Variants in IKZF1 observed in about 807,000 individuals in gnomAD.
IKZF1 encodes the protein DNA-binding protein Ikaros.
IKZF1 carries 10 observed loss-of-function variants against 51.7 expected under a neutral mutation model. That is an observed-to-expected ratio of 0.19 (90% CI 0.12 to 0.33). The LOEUF is 0.33. Ranked by LOEUF, IKZF1 falls within the 10% of genes least tolerant of loss-of-function variation. The probability of loss-of-function intolerance (pLI) is 1.00; values close to 1 mark genes in which losing one functional copy is unlikely to be tolerated. For synonymous variants in IKZF1, 280 were observed against 282.3 expected (o/e 0.99, Z 0.08); for missense variants, 484 against 707.5 (o/e 0.68, Z 3.58).
chr7:50,384,452 G>C (rs1462559443), intron 5 of IKZF1, among the ~76,000 whole-genome samples: 1 of 152,260 alleles, frequency 6.6e-6, no homozygotes, highest in Non-Finnish European at 1.5e-5. Context: ...GCTATACCAA[G>C]CTGAGGAGTT....
intron 3 of IKZF1, among the ~76,000 whole-genome samples, chr7:50,344,085 T>G (rs1799759527): frequency 6.6e-6 from 1 of 152,178 alleles, no homozygotes. Context: ...TGTAAAAGAT[T>G]TTGAAGCAGA....
chr7:50,378,361 G>GAGTAGTAGTAGTAGTAGTAGT (rs1810905149), intron 4 of IKZF1, among the ~76,000 whole-genome samples: 1 of 152,174 alleles, frequency 6.6e-6, no homozygotes, highest in African/African-American at 2.4e-5. Context: ...GCGTGCATGA[G>GAGTAGTAGTAGTAGTAGTAGT]AGTAGTCCCA....
At chr7:50,386,187 T>G (rs1813327023) in intron 5 of IKZF1, among the ~76,000 whole-genome samples, 1 of 152,254 alleles carries the variant, frequency 6.6e-6, no homozygotes, top group South Asian at 2.1e-4. Flanking sequence ...ACTGAAGTCC[T>G]TAAACTTAGG....
At chr7:50,368,423 A>G in intron 3 of IKZF1, 1 of 629,394 alleles carries the variant, frequency 1.6e-6, no homozygotes, top group Admixed American at 2.6e-5. Context: ...TCACCAACAA[A>G]GAACTGAACA....
chr7:50,351,234 T>C (rs1356628509), intron 3 of IKZF1, among the ~76,000 whole-genome samples: 3 of 152,240 alleles, frequency 2.0e-5, no homozygotes, highest in African/African-American at 4.8e-5. Context: ...TGGGAGTAGA[T>C]TTAACCATTA....
chr7:50,323,862 C>T (rs1448015916), intron 2 of IKZF1, among the ~76,000 whole-genome samples: 4 of 152,146 alleles, frequency 2.6e-5, no homozygotes, highest in Non-Finnish European at 5.9e-5. Context: ...TTTATTTTAT[C>T]TTCACCGCAA....
chr7:50,367,161 T>C (rs1211535095), intron 3 of IKZF1, among the ~76,000 whole-genome samples: 2 of 152,236 alleles, frequency 1.3e-5, no homozygotes, highest in Non-Finnish European at 2.9e-5. Flanking sequence ...AACACTGGTT[T>C]AAGCAAAGTT....
At chr7:50,373,063 T>A (rs1219988401) in intron 3 of IKZF1, among the ~76,000 whole-genome samples, 2 of 152,246 alleles carry the variant, frequency 1.3e-5, no homozygotes, top group African/African-American at 4.8e-5. Context: ...ATTTGTCCAA[T>A]GAGTGGCTGA....
intron 3 of IKZF1, among the ~76,000 whole-genome samples, chr7:50,336,288 A>G (rs990820176): frequency 1.3e-5 from 2 of 149,858 alleles, no homozygotes; most frequent in Non-Finnish European, 2.9e-5. Context: ...GAGGGTGCAG[A>G]GGGAGGGGAT....
intron 3 of IKZF1, among the ~76,000 whole-genome samples, chr7:50,335,162 A>T: frequency 7.5e-6 from 1 of 133,138 alleles, no homozygotes. Flanking sequence ...TGTGTATGGG[A>T]TATATGATGT....
intron 3 of IKZF1, among the ~76,000 whole-genome samples, chr7:50,337,014 G>A (rs1022207357): frequency 1.3e-5 from 2 of 152,154 alleles, no homozygotes; most frequent in Admixed American, 1.3e-4. Flanking sequence ...AGGAGTTGCT[G>A]GGGACAGGAT....
At position 50,325,270 on chromosome 7, in the gene IKZF1, G is replaced by A. The variant is rs1227749448; in HGVS notation, c.41-2368G>A. ...CCCCACACCCACCCCCCAACCCCCC[G>A]CTGCCACCAAAAAAAAAAAAAAAAA... On this transcript the variant is annotated intron_variant, in intron 2 of 7. Coordinates refer to ENST00000331340, the MANE Select transcript of IKZF1 (RefSeq NM_006060.6). Among the ~76,000 whole-genome samples the A allele has an allele frequency of 7.3e-4, 14 of 19,248 alleles. No individual in the cohort carries two copies. In the East Asian group the frequency reaches 8.0e-3, roughly 11 times the overall value. The allele number at this position is 19,248 out of a possible 152,430, so 12.6% of individuals were successfully genotyped here. A position where few individuals can be genotyped will look rare whatever the true frequency, so the allele number is the denominator to read the frequency against.
intron 7 of IKZF1, among the ~76,000 whole-genome samples, chr7:50,394,706 C>T (rs1041501441): frequency 2.0e-5 from 3 of 151,898 alleles, no homozygotes; most frequent in Non-Finnish European, 4.4e-5. Flanking sequence ...CTCAGAGTGG[C>T]TATTATAGTT....
chr7:50,360,695 C>A (rs746976646), intron 3 of IKZF1, among the ~76,000 whole-genome samples: 8 of 152,238 alleles, frequency 5.3e-5, no homozygotes, highest in Non-Finnish European at 8.8e-5. Flanking sequence ...AGGCTCTTGC[C>A]TTGTGGCCCA....
At chr7:50,399,477 T>C (rs889110117) in intron 7 of IKZF1, among the ~76,000 whole-genome samples, 2 of 151,636 alleles carry the variant, frequency 1.3e-5, no homozygotes, top group African/African-American at 2.4e-5. Flanking sequence ...AATATAATTA[T>C]TGTCTATTTT....
chr7:50,382,409 G>A (rs1425314206), intron 4 of IKZF1, 131 bp from the exon 5 acceptor site: 3 of 1,307,200 alleles, frequency 2.3e-6, no homozygotes, highest in South Asian at 1.7e-5. Context: ...TAGTCTGAAA[G>A]CCTCATGTTC....
Position 50,374,172 on chromosome 7 carries a change from C to T in IKZF1, c.161-2361C>T, listed in dbSNP as rs560257756. 4.6e-5 allele frequency among the ~76,000 whole-genome samples: 7 copies of T among 152,306 alleles called. No homozygotes were observed. The South Asian group carries it at 1.4e-3, about 32-fold the overall frequency. On this transcript the variant is annotated intron_variant, in intron 3 of 7. Transcript: ENST00000331340. ...TTTCCCTAAAGAGCTAATAAGAAAACACTGGCAGTACAATCAGCCCTCCAT... is the reference window on the plus strand; with the variant it reads ...TTTCCCTAAAGAGCTAATAAGAAAATACTGGCAGTACAATCAGCCCTCCAT...
intron 6 of IKZF1, among the ~76,000 whole-genome samples, chr7:50,391,270 TG>T (rs996395254): frequency 2.0e-5 from 3 of 152,196 alleles, no homozygotes; most frequent in African/African-American, 7.2e-5. Flanking sequence ...TGTAGGCTCT[TG>T]GGGGCCACAT....
rs574778752 is a variant in IKZF1 at position 50,377,063 on chromosome 7, C to T, written c.421+270C>T. The T allele has an allele frequency of 5.9e-6, 3 of 508,978 alleles. No homozygotes were observed. In the South Asian group the frequency reaches 7.0e-5, roughly 12 times the overall value. The allele number at this position is 508,978 out of a possible 1,614,324, so 31.5% of individuals were successfully genotyped here. A position where few individuals can be genotyped will look rare whatever the true frequency, so the allele number is the denominator to read the frequency against. On this transcript the variant is annotated intron_variant, in intron 4 of 7. Transcript: ENST00000331340. ...CATCACATGAGAGGCTTGGCGAGGG[C>T]TGCTATTATAGTAACACATACTAAG...
Sources: allele counts gnomAD v4.1 joint callset (sites outside exome capture counted in the v4.1 genomes callset), GRCh38; gene constraint gnomAD v4.1.1; transcripts MANE v1.5; gene names NCBI Gene and HGNC (gene_info 2026-07-23, HGNC 2026-07-21).